Variants in ENOX1 observed in about 807,000 individuals in gnomAD.
ENOX1 encodes ecto-NOX disulfide-thiol exchanger 1.
A neutral mutation model predicts 82.5 loss-of-function variants in ENOX1; 42 were observed. The observed-to-expected ratio is 0.51, with a 90% CI of 0.40 to 0.66. The LOEUF (loss-of-function observed/expected upper bound fraction) is 0.66, where lower values mean the gene tolerates loss of function less well. Among genes scored for constraint, ENOX1 ranks in the 30% least tolerant of loss-of-function variants. The pLI, the probability that ENOX1 is intolerant of heterozygous loss-of-function variation, is 0.00. For missense variants in ENOX1, 608 were observed against 811.6 expected, an observed-to-expected ratio of 0.75 and a Z score of 3.05; for synonymous variants, 271 against 282.2, an observed-to-expected ratio of 0.96 and a Z score of 0.40.
chr13:43,584,296 C>A (rs2080879109), intron 2 of ENOX1, among the ~76,000 whole-genome samples: 1 of 152,208 alleles, frequency 6.6e-6, no homozygotes, highest in South Asian at 2.1e-4. Flanking sequence ...CACACCCATC[C>A]CCCCACTATA....
intron 3 of ENOX1, among the ~76,000 whole-genome samples, chr13:43,462,307 C>T (rs951164512): frequency 3.9e-5 from 6 of 152,282 alleles, no homozygotes; most frequent in South Asian, 4.1e-4. Flanking sequence ...TCTTTGCCTA[C>T]GAAAATAGTT....
chr13:43,533,990 G>A (rs543085029), intron 2 of ENOX1, among the ~76,000 whole-genome samples: 21 of 152,160 alleles, frequency 1.4e-4, no homozygotes, highest in African/African-American at 3.4e-4. Context: ...TGTTTATTCC[G>A]TAATTTAGTG....
chr13:43,441,578 A>G (rs1316122577), intron 3 of ENOX1, among the ~76,000 whole-genome samples: 1 of 152,088 alleles, frequency 6.6e-6, no homozygotes, highest in African/African-American at 2.4e-5. Flanking sequence ...GGCTGCTTCT[A>G]AACAGATTTT....
chr13:43,250,210 C>T (rs922857422), intron 14 of ENOX1, among the ~76,000 whole-genome samples: 2 of 152,152 alleles, frequency 1.3e-5, no homozygotes, highest in African/African-American at 4.8e-5. Context: ...TACCCCAGGG[C>T]CTTTAGTCCA....
intron 2 of ENOX1, among the ~76,000 whole-genome samples, chr13:43,542,745 T>C (rs1403342767): frequency 6.6e-6 from 1 of 152,192 alleles, no homozygotes; most frequent in Non-Finnish European, 1.5e-5. Context: ...ATAAGTGTCA[T>C]CATTCATTCA....
chr13:43,436,026 C>T (rs150989717), intron 3 of ENOX1, among the ~76,000 whole-genome samples: 3 of 151,834 alleles, frequency 2.0e-5, no homozygotes, highest in East Asian at 3.9e-4. Flanking sequence ...TGTGTGAAAT[C>T]GGGAGCGTTG....
At chr13:43,617,198 T>C (rs2082519751) in intron 2 of ENOX1, among the ~76,000 whole-genome samples, 1 of 152,222 alleles carries the variant, frequency 6.6e-6, no homozygotes, top group South Asian at 2.1e-4. Context: ...TGTATGGTTA[T>C]CAATATAAAC....
At chr13:43,548,252 C>T (rs774953341) in intron 2 of ENOX1, among the ~76,000 whole-genome samples, 9 of 151,662 alleles carry the variant, frequency 5.9e-5, no homozygotes, top group Admixed American at 3.3e-4. Context: ...TTCATAAAAG[C>T]AAAACAACTA....
chr13:43,621,995 G>T (rs2153746426), intron 2 of ENOX1, among the ~76,000 whole-genome samples: 1 of 152,208 alleles, frequency 6.6e-6, no homozygotes, highest in African/African-American at 2.4e-5. Context: ...TTAATTCGAA[G>T]ACCCTGTCTT....
chr13:43,762,904 G>A (rs755950342), intron 1 of ENOX1, among the ~76,000 whole-genome samples: 4 of 152,150 alleles, frequency 2.6e-5, no homozygotes, highest in Non-Finnish European at 5.9e-5. Flanking sequence ...TTCTCAATTA[G>A]CCCTACTAAT....
chr13:43,671,279 T>C (rs962004969), intron 1 of ENOX1, among the ~76,000 whole-genome samples: 3 of 152,188 alleles, frequency 2.0e-5, no homozygotes, highest in Non-Finnish European at 2.9e-5. Flanking sequence ...TCAGTTAGTA[T>C]CTTTATAGCA....
At chr13:43,672,430 A>T (rs912124515) in intron 1 of ENOX1, among the ~76,000 whole-genome samples, 2 of 152,190 alleles carry the variant, frequency 1.3e-5, no homozygotes, top group African/African-American at 4.8e-5. Context: ...CCTAGCATAA[A>T]AATAAACAAG....
At chr13:43,648,341 A>G (rs928959908) in intron 2 of ENOX1, among the ~76,000 whole-genome samples, 3 of 152,202 alleles carry the variant, frequency 2.0e-5, no homozygotes, top group African/African-American at 4.8e-5. Context: ...TGAACCAGAG[A>G]GCCATGGTCA....
chr13:43,369,906 T>C (rs1027623604), intron 5 of ENOX1, among the ~76,000 whole-genome samples: 8 of 152,298 alleles, frequency 5.3e-5, no homozygotes, highest in African/African-American at 7.2e-5. Flanking sequence ...AGCTTGGAGG[T>C]GACACATGGA....
At chr13:43,307,098 A>G (rs546377056) in intron 11 of ENOX1, among the ~76,000 whole-genome samples, 6 of 152,318 alleles carry the variant, frequency 3.9e-5, no homozygotes, top group African/African-American at 1.2e-4. Context: ...CAGACTAGTA[A>G]GTGGGCACCA....
intron 1 of ENOX1, among the ~76,000 whole-genome samples, chr13:43,713,095 C>G (rs1594525330): frequency 6.6e-6 from 1 of 152,148 alleles, no homozygotes; most frequent in Non-Finnish European, 1.5e-5. Context: ...CCATCAGTAC[C>G]TAATTTATTG....
chr13:43,226,778 G>A (rs1196445231), intron 15 of ENOX1, among the ~76,000 whole-genome samples: 1 of 152,170 alleles, frequency 6.6e-6, no homozygotes, highest in African/African-American at 2.4e-5. Context: ...TCCCCTGCAG[G>A]GTTCTCCCAG....
At chr13:43,706,035 T>C (rs1357822110) in intron 1 of ENOX1, among the ~76,000 whole-genome samples, 1 of 152,020 alleles carries the variant, frequency 6.6e-6, no homozygotes, top group East Asian at 1.9e-4. Flanking sequence ...CCTCTCAGAA[T>C]ATTCCTTCTA....
intron 2 of ENOX1, among the ~76,000 whole-genome samples, chr13:43,542,575 A>G (rs1046831295): frequency 2.6e-5 from 4 of 151,920 alleles, no homozygotes; most frequent in Non-Finnish European, 5.9e-5. Context: ...AGCTGGGATT[A>G]CAGGCACCTG....
Sources: gnomAD v4.1 joint callset for allele counts (sites outside exome capture counted in the v4.1 genomes callset) on GRCh38, gnomAD v4.1.1 for gene constraint, MANE v1.5 for transcripts, NCBI Gene and HGNC (gene_info 2026-07-23, HGNC 2026-07-21) for gene names.